TNRC6A: variants seen among roughly 807,000 people sequenced by gnomAD.
TNRC6A encodes the protein trinucleotide repeat containing adaptor 6A, also known as trinucleotide repeat-containing gene 6A protein.
A neutral mutation model predicts 221.2 loss-of-function variants in TNRC6A; 44 were observed. The observed-to-expected ratio is 0.20, with a 90% CI of 0.16 to 0.26. The LOEUF is 0.26. TNRC6A is among the 10% of genes least tolerant of loss of function. The pLI, the probability that TNRC6A is intolerant of heterozygous loss-of-function variation, is 1.00. For synonymous variants in TNRC6A, 847 were observed against 838.5 expected, an observed-to-expected ratio of 1.01 and a Z score of -0.18; for missense variants, 2,199 against 2,404.4, an observed-to-expected ratio of 0.91 and a Z score of 1.79.
rs545753446 is a variant in TNRC6A at position 24,710,879 on chromosome 16, A to ATTTT, written n.403-39835_403-39832dup. Among the ~76,000 whole-genome samples, 3 of 139,578 alleles carry ATTTT rather than the reference A, an allele frequency of 2.1e-5. No homozygotes were observed. The East Asian group carries it at 6.3e-4, about 30-fold the overall frequency. The allele number at this position is 139,578 out of a possible 152,430, so 91.6% of individuals were successfully genotyped here. A position where few individuals can be genotyped will look rare whatever the true frequency, so the allele number is the denominator to read the frequency against. Reference sequence around the variant, plus strand: ...AGGCACCCACCACCATGCCCGGCTAATTTTTTTTTTTTTTTAGATGGAATC... The same window carrying ATTTT: ...AGGCACCCACCACCATGCCCGGCTAATTTTTTTTTTTTTTTTTTTAGATGGAATC... On this transcript the variant is annotated intron_variant and non_coding_transcript_variant, in intron 2 of 2. Transcript: ENST00000566108.
chr16:24,824,927 C>T lies in TNRC6A; in HGVS notation c.*1120C>T, dbSNP rs1159627021. Reference sequence around the variant, plus strand: ...CTTAAAGCTGGAGTTTGACATTCTGCTTTCAGATGCTGTCTTTTTATTAGT... The same window carrying T: ...CTTAAAGCTGGAGTTTGACATTCTGTTTTCAGATGCTGTCTTTTTATTAGT... On this transcript the variant is annotated 3_prime_UTR_variant, in exon 25 of 25. Coordinates refer to ENST00000395799, the MANE Select transcript of TNRC6A (RefSeq NM_014494.4). The T allele has an allele frequency of 6.6e-6, 1 of 152,550 alleles. No individual in the cohort carries two copies. Among genetic ancestry groups the T allele is most frequent in the African/African-American group, 2.4e-5 (1 of 41,418 alleles). The allele number at this position is 152,550 out of a possible 1,614,324, so 9.4% of individuals were successfully genotyped here. A position where few individuals can be genotyped will look rare whatever the true frequency, so the allele number is the denominator to read the frequency against.
chr16:24,764,980 C>T (rs2057441996), intron 4 of TNRC6A, among the ~76,000 whole-genome samples: 1 of 151,840 alleles, frequency 6.6e-6, no homozygotes, highest in Admixed American at 6.6e-5. Context: ...GAATTTGGTC[C>T]CTCTCTCAAA....
At chr16:24,767,858 G>A (rs957381322) in intron 4 of TNRC6A, among the ~76,000 whole-genome samples, 1 of 152,106 alleles carries the variant, frequency 6.6e-6, no homozygotes, top group Non-Finnish European at 1.5e-5. Flanking sequence ...CAGGTATTAT[G>A]TTTATGTTTT....
intron 2 of TNRC6A, among the ~76,000 whole-genome samples, chr16:24,679,759 G>T (rs2055494161): frequency 1.3e-5 from 2 of 151,964 alleles, no homozygotes; most frequent in African/African-American, 4.8e-5. Context: ...TTACAGGCGT[G>T]AGCCACCCCA....
intron 2 of TNRC6A, among the ~76,000 whole-genome samples, chr16:24,641,820 C>G (rs1221858321): frequency 6.6e-6 from 1 of 152,076 alleles, no homozygotes; most frequent in East Asian, 1.9e-4. Flanking sequence ...ATGCATTGGT[C>G]TGGGCATTTG....
intron 2 of TNRC6A, among the ~76,000 whole-genome samples, chr16:24,680,161 G>A (rs928390979): frequency 1.3e-5 from 2 of 151,810 alleles, no homozygotes; most frequent in East Asian, 3.9e-4. Context: ...AGGTACAGTG[G>A]TTCTTTCCTG....
Position 24,632,328 on chromosome 16 carries a change from C to G in TNRC6A, n.277-8556C>G, listed in dbSNP as rs149231111. Among the ~76,000 whole-genome samples the G allele has an allele frequency of 3.2e-3, 484 of 152,252 alleles. 4 individuals are homozygous for G. Among genetic ancestry groups the G allele is most frequent in the African/African-American group, 0.011 (454 of 41,546 alleles). ...ATTTCCCCTCAAAACAAACCTGTCT[C>G]CCAACCTCCAATATCTTTCCCAACT... On this transcript the variant is annotated intron_variant and non_coding_transcript_variant, in intron 1 of 2. Transcript: ENST00000566108.
chr16:24,795,161 A>C (rs1037868737), intron 8 of TNRC6A, among the ~76,000 whole-genome samples: 5 of 152,136 alleles, frequency 3.3e-5, no homozygotes, highest in African/African-American at 1.2e-4. Flanking sequence ...CCATCCCAAA[A>C]GGTCCTGTGA....
intron 1 of TNRC6A, among the ~76,000 whole-genome samples, chr16:24,637,296 G>A (rs1411624762): frequency 6.6e-6 from 1 of 152,174 alleles, no homozygotes; most frequent in African/African-American, 2.4e-5. Flanking sequence ...GTCTCCCAAA[G>A]TGCTGGGATT....
chr16:24,730,355 C>G, intron 2 of TNRC6A, 55 bp downstream of exon 2: 1 of 1,580,360 alleles, frequency 6.3e-7, no homozygotes, highest in South Asian at 1.1e-5. Context: ...TATTTCTACT[C>G]CGATTCGCCT....
chr16:24,613,108 T>G (rs1303000919), intron 1 of TNRC6A, among the ~76,000 whole-genome samples: 2 of 62,304 alleles, frequency 3.2e-5, no homozygotes, highest in Non-Finnish European at 5.9e-5. Context: ...AGAGTGAGAC[T>G]CTGTCTCAAA....
rs1462890330 is a variant in TNRC6A, at chr16:24,696,716, G to A, written n.403-54010G>A. Among the ~76,000 whole-genome samples, 89 of 51,042 alleles carry A rather than the reference G, an allele frequency of 1.7e-3. 1 individual carries two copies. Among genetic ancestry groups the A allele is most frequent in the African/African-American group, 9.4e-3 (83 of 8,852 alleles). 33.5% of individuals were successfully genotyped at this position (51,042 alleles called of 152,430 possible). A position where few individuals can be genotyped will look rare whatever the true frequency, so the allele number is the denominator to read the frequency against. ...TGCAGTACAGCCTGGGCAACAGAGC[G>A]AGACCCTGTCTCAAAAAAAAAAAAA... is the stretch of plus-strand genomic sequence containing the variant. On this transcript the variant is annotated intron_variant and non_coding_transcript_variant, in intron 2 of 2. Transcript: ENST00000566108.
intron 2 of TNRC6A, among the ~76,000 whole-genome samples, chr16:24,722,733 T>TA (rs2056431509): frequency 6.6e-6 from 1 of 152,050 alleles, no homozygotes; most frequent in Non-Finnish European, 1.5e-5. Context: ...AACTCTTAAA[T>TA]AAAGTGTGAC....
intron 5 of TNRC6A, among the ~76,000 whole-genome samples, chr16:24,782,506 A>G (rs1050945877): frequency 1.3e-5 from 2 of 152,164 alleles, no homozygotes; most frequent in Admixed American, 6.5e-5. Context: ...GTTTAACTGG[A>G]CCTGTATAGA....
chr16:24,807,744 C>T (rs1238130047), intron 17 of TNRC6A, among the ~76,000 whole-genome samples: 6 of 151,556 alleles, frequency 4.0e-5, no homozygotes, highest in African/African-American at 1.5e-4. Context: ...TTCTTGTGCC[C>T]TTGATTATAT....
At chr16:24,685,624 C>A (rs2142085599) in intron 2 of TNRC6A, among the ~76,000 whole-genome samples, 1 of 152,294 alleles carries the variant, frequency 6.6e-6, no homozygotes, top group East Asian at 1.9e-4. Flanking sequence ...TGGGTGTGAA[C>A]CACCGTGCGC....
chr16:24,631,621 A>T (rs1024212624), intron 1 of TNRC6A, among the ~76,000 whole-genome samples: 4 of 151,936 alleles, frequency 2.6e-5, no homozygotes, highest in Non-Finnish European at 5.9e-5. Flanking sequence ...AAAATGCAAA[A>T]ATTAGCCTGG....
intron 2 of TNRC6A, among the ~76,000 whole-genome samples, chr16:24,681,925 A>G (rs1300861033): frequency 1.3e-5 from 2 of 152,198 alleles, no homozygotes; most frequent in Non-Finnish European, 2.9e-5. Flanking sequence ...ACGTGTTGCC[A>G]AACTCCTCTG....
chr16:24,679,476 T>G (rs2055487671), intron 2 of TNRC6A, among the ~76,000 whole-genome samples: 1 of 151,312 alleles, frequency 6.6e-6, no homozygotes, highest in Admixed American at 6.6e-5. Context: ...ACTAATTTTG[T>G]TTTTTTTGTT....
Sources: allele counts gnomAD v4.1 joint callset (sites outside exome capture counted in the v4.1 genomes callset), GRCh38; gene constraint gnomAD v4.1.1; transcripts MANE v1.5; gene names NCBI Gene and HGNC (gene_info 2026-07-23, HGNC 2026-07-21).